CACNG2: variants seen among roughly 807,000 people sequenced by gnomAD.
CACNG2 encodes the protein calcium voltage-gated channel auxiliary subunit gamma 2.
A neutral mutation model predicts 25.9 loss-of-function variants in CACNG2; 3 were observed. The ratio of observed to expected loss-of-function variants is 0.12; its 90% CI spans 0.05 to 0.30. The LOEUF is 0.30. CACNG2 is among the 10% of genes least tolerant of loss of function. CACNG2 has a pLI of 1.00. For missense variants in CACNG2, 341 were observed against 432.5 expected (o/e 0.79, Z 1.88); for synonymous variants, 167 against 173.3 (o/e 0.96, Z 0.29).
chr22:36,697,604 G>C (rs1185407334), intron 1 of CACNG2, among the ~76,000 whole-genome samples: 1 of 152,218 alleles, frequency 6.6e-6, no homozygotes, highest in Non-Finnish European at 1.5e-5. Context: ...GGAGTGTGGT[G>C]TGAACTGACC....
At chr22:36,640,615 C>A (rs1442307434) in intron 1 of CACNG2, among the ~76,000 whole-genome samples, 1 of 152,206 alleles carries the variant, frequency 6.6e-6, no homozygotes, top group Non-Finnish European at 1.5e-5. Context: ...AGACCCACTG[C>A]AGAAGGTAGG....
chr22:36,663,465 A>C (rs1208437274), intron 1 of CACNG2, among the ~76,000 whole-genome samples: 1 of 151,798 alleles, frequency 6.6e-6, no homozygotes, highest in East Asian at 1.9e-4. Context: ...CGCTCAGCAT[A>C]CCCATCTTCT....
At chr22:36,624,287 G>T (rs1936150238) in intron 1 of CACNG2, among the ~76,000 whole-genome samples, 1 of 152,220 alleles carries the variant, frequency 6.6e-6, no homozygotes, top group Admixed American at 6.5e-5. Context: ...GCTCCTGGTG[G>T]TGAGAGCAAT....
chr22:36,639,154 C>T (rs1267675651), intron 1 of CACNG2, among the ~76,000 whole-genome samples: 1 of 152,218 alleles, frequency 6.6e-6, no homozygotes, highest in East Asian at 1.9e-4. Context: ...CACTTCACTT[C>T]ACTTCTCTGA....
At chr22:36,640,198 G>A (rs531538826) in intron 1 of CACNG2, among the ~76,000 whole-genome samples, 14 of 152,256 alleles carry the variant, frequency 9.2e-5, no homozygotes, top group South Asian at 2.1e-4. Flanking sequence ...AATGAAGATC[G>A]CGGCTCCTTC....
intron 1 of CACNG2, among the ~76,000 whole-genome samples, chr22:36,596,959 C>T (rs1935687400): frequency 6.6e-6 from 1 of 151,912 alleles, no homozygotes; most frequent in African/African-American, 2.4e-5. Flanking sequence ...GCCATGTTGC[C>T]TAGGCTGTTC....
chr22:36,591,060 G>A (rs1304311320), intron 1 of CACNG2, among the ~76,000 whole-genome samples: 2 of 151,034 alleles, frequency 1.3e-5, no homozygotes, highest in East Asian at 1.9e-4. Context: ...TTTTTGAGAC[G>A]GTGTCTTGCT....
chr22:36,643,500 CTATCTATCTA>C (rs1936474928), intron 1 of CACNG2, among the ~76,000 whole-genome samples: 1 of 151,720 alleles, frequency 6.6e-6, no homozygotes, highest in Non-Finnish European at 1.5e-5. Flanking sequence ...ATCTATCTAT[CTATCTATCTA>C]TCTATCTATC....
At chr22:36,674,477 C>T (rs1445198801) in intron 1 of CACNG2, among the ~76,000 whole-genome samples, 1 of 152,100 alleles carries the variant, frequency 6.6e-6, no homozygotes, top group Non-Finnish European at 1.5e-5. Context: ...TACAGACGTG[C>T]ACCACCATGC....
intron 1 of CACNG2, among the ~76,000 whole-genome samples, chr22:36,591,177 C>A (rs375654747): frequency 2.0e-5 from 3 of 151,774 alleles, no homozygotes; most frequent in African/African-American, 7.2e-5. Flanking sequence ...GCTGGAACTA[C>A]AGGCGCCCGC....
chr22:36,666,120 T>C (rs1026387705), intron 1 of CACNG2, among the ~76,000 whole-genome samples: 42 of 152,118 alleles, frequency 2.8e-4, no homozygotes, highest in Admixed American at 2.7e-3. Flanking sequence ...AAAAGATAAA[T>C]ACTGTCAGGT....
chr22:36,624,859 C>T (rs1936160563), intron 1 of CACNG2, among the ~76,000 whole-genome samples: 2 of 151,810 alleles, frequency 1.3e-5, no homozygotes, highest in Non-Finnish European at 2.9e-5. Context: ...GAAACCCTGT[C>T]TCTACTAAAA....
intron 1 of CACNG2, among the ~76,000 whole-genome samples, chr22:36,678,918 G>T (rs376318792): frequency 6.6e-6 from 1 of 152,096 alleles, no homozygotes; most frequent in Non-Finnish European, 1.5e-5. Flanking sequence ...CCAAGGACAC[G>T]TGGTTTGTGT....
intron 1 of CACNG2, among the ~76,000 whole-genome samples, chr22:36,601,705 G>A (rs951914773): frequency 2.0e-5 from 3 of 152,074 alleles, no homozygotes; most frequent in African/African-American, 4.8e-5. Flanking sequence ...GGCTGGTCTC[G>A]AACTCCTGAC....
At chr22:36,687,760 GA>G (rs1937220233) in intron 1 of CACNG2, among the ~76,000 whole-genome samples, 1 of 152,204 alleles carries the variant, frequency 6.6e-6, no homozygotes, top group Non-Finnish European at 1.5e-5. Flanking sequence ...CCTTAGGTGT[GA>G]GGGGGGAAGC....
chr22:36,686,638 C>T (rs1333719841), intron 1 of CACNG2, among the ~76,000 whole-genome samples: 1 of 152,186 alleles, frequency 6.6e-6, no homozygotes, highest in East Asian at 1.9e-4. Context: ...GTCCCACAAG[C>T]ATGAGTGAGC....
intron 1 of CACNG2, among the ~76,000 whole-genome samples, chr22:36,643,838 T>A (rs1936480353): frequency 6.6e-6 from 1 of 152,176 alleles, no homozygotes; most frequent in African/African-American, 2.4e-5. Flanking sequence ...CTTAGGACAA[T>A]CTCATGACTC....
At chr22:36,580,659 C>T (rs1255963156) in intron 2 of CACNG2, among the ~76,000 whole-genome samples, 1 of 152,176 alleles carries the variant, frequency 6.6e-6, no homozygotes, top group African/African-American at 2.4e-5. Flanking sequence ...AGTGGGGAGA[C>T]CTGACCATAC....
intron 1 of CACNG2, among the ~76,000 whole-genome samples, chr22:36,656,727 C>T (rs541732831): frequency 2.0e-5 from 3 of 152,302 alleles, no homozygotes; most frequent in Non-Finnish European, 4.4e-5. Context: ...GCACCCAGCA[C>T]GTTCCTGTTA....
Sources: allele counts gnomAD v4.1 joint callset (sites outside exome capture counted in the v4.1 genomes callset), GRCh38; gene constraint gnomAD v4.1.1; transcripts MANE v1.5; gene names NCBI Gene and HGNC (gene_info 2026-07-23, HGNC 2026-07-21).